GABBR2: variants seen among roughly 807,000 people sequenced by gnomAD.
The protein encoded by GABBR2 is gamma-aminobutyric acid type B receptor subunit 2.
A neutral mutation model predicts 105.6 loss-of-function variants in GABBR2; 23 were observed. The ratio of observed to expected loss-of-function variants is 0.22; its 90% CI spans 0.16 to 0.31. The LOEUF (loss-of-function observed/expected upper bound fraction) is 0.31, where lower values mean the gene tolerates loss of function less well. Ranked by LOEUF, GABBR2 falls within the 10% of genes least tolerant of loss-of-function variation. The probability of loss-of-function intolerance (pLI) is 1.00; values close to 1 mark genes in which losing one functional copy is unlikely to be tolerated. For synonymous variants in GABBR2, 478 were observed against 499.7 expected, an observed-to-expected ratio of 0.96 and a Z score of 0.58; for missense variants, 734 against 1,245.5, an observed-to-expected ratio of 0.59 and a Z score of 6.18.
In GABBR2 at chr9:98,687,395, CA is replaced by C. The variant is rs560334192; in HGVS notation, c.321+21021del. Among the ~76,000 whole-genome samples the C allele has an allele frequency of 1.4e-4, 22 of 152,142 alleles. No homozygotes were observed. In the East Asian group the frequency reaches 3.9e-3, roughly 27 times the overall value. On this transcript the variant is annotated intron_variant, in intron 1 of 18. Transcript: ENST00000259455. ...AAGGACGAGGAATTTGATCAGATATCAGGGGTGATCAGATATTCAGGGTGGG... is the reference window on the plus strand; with the variant it reads ...AAGGACGAGGAATTTGATCAGATATCGGGGTGATCAGATATTCAGGGTGGG...
chr9:98,692,179 T>G (rs1468500803), intron 1 of GABBR2, among the ~76,000 whole-genome samples: 2 of 152,122 alleles, frequency 1.3e-5, no homozygotes, highest in Admixed American at 1.3e-4. Context: ...GTGGCCTACA[T>G]TGTCCTGTGA....
At chr9:98,346,097 C>T (rs1328437782) in intron 13 of GABBR2, among the ~76,000 whole-genome samples, 3 of 152,194 alleles carry the variant, frequency 2.0e-5, no homozygotes, top group Admixed American at 2.0e-4. Flanking sequence ...GACTGACCCA[C>T]GTGTGGTTTC....
At chr9:98,647,597 G>T (rs1336048825) in intron 1 of GABBR2, among the ~76,000 whole-genome samples, 1 of 152,144 alleles carries the variant, frequency 6.6e-6, no homozygotes, top group South Asian at 2.1e-4. Context: ...CCTGGCACCC[G>T]ACGGGTTGTG....
intron 12 of GABBR2, 104 bp from the exon 13 acceptor site, chr9:98,362,941 A>G (rs1018915847): frequency 1.2e-4 from 121 of 989,912 alleles, no homozygotes; most frequent in Non-Finnish European, 1.7e-4. Context: ...TGAACCCCCC[A>G]GCCGGAGAGT....
Position 98,288,143 on chromosome 9 carries a change from A to G in GABBR2, c.*2441T>C, listed in dbSNP as rs1189089339. On this transcript the variant is annotated 3_prime_UTR_variant, in exon 19 of 19. Transcript: ENST00000259455. ...ACAAATTTGCAACAATTTATTAAAAATCGATACCATGCAGTAGGGGTACGA... is the reference window on the plus strand; with the variant it reads ...ACAAATTTGCAACAATTTATTAAAAGTCGATACCATGCAGTAGGGGTACGA... 6.6e-6 allele frequency: 1 copy of G among 152,562 alleles called. No homozygotes were observed. The highest frequency in any genetic ancestry group is 2.4e-5 in the African/African-American group (1 of 41,450). 9.5% of individuals were successfully genotyped at this position (152,562 alleles called of 1,614,324 possible).
At chr9:98,318,956 T>C (rs1404160211) in intron 13 of GABBR2, among the ~76,000 whole-genome samples, 1 of 150,814 alleles carries the variant, frequency 6.6e-6, no homozygotes, top group East Asian at 2.0e-4. Context: ...TATTAGGGGG[T>C]GTGTTTGGCC....
intron 6 of GABBR2, among the ~76,000 whole-genome samples, chr9:98,467,750 G>A (rs1016744645): frequency 5.3e-5 from 8 of 152,228 alleles, no homozygotes; most frequent in Non-Finnish European, 8.8e-5. Context: ...GGATGGACCT[G>A]TGCCTTTGAT....
chr9:98,675,033 G>T (rs1049399674), intron 1 of GABBR2, among the ~76,000 whole-genome samples: 5 of 152,196 alleles, frequency 3.3e-5, no homozygotes, highest in Admixed American at 6.5e-5. Context: ...GGAAACTGAG[G>T]TTCACAGGAA....
chr9:98,439,898 T>C (rs1826000262), intron 7 of GABBR2, among the ~76,000 whole-genome samples: 1 of 141,034 alleles, frequency 7.1e-6, no homozygotes, highest in Non-Finnish European at 1.6e-5. Context: ...CTCACAGCCC[T>C]TTAAGGTAGG....
At chr9:98,517,693 G>GCCTGC (rs938048162) in intron 3 of GABBR2, among the ~76,000 whole-genome samples, 7 of 152,184 alleles carry the variant, frequency 4.6e-5, no homozygotes, top group African/African-American at 1.4e-4. Context: ...ACATGCGCCA[G>GCCTGC]CCTGCCCTGC....
chr9:98,486,776 C>T (rs1827062215), intron 4 of GABBR2, among the ~76,000 whole-genome samples: 1 of 152,208 alleles, frequency 6.6e-6, no homozygotes, highest in South Asian at 2.1e-4. Flanking sequence ...CCAGGCCAGT[C>T]CTGTGCCCCA....
intron 1 of GABBR2, among the ~76,000 whole-genome samples, chr9:98,684,660 A>G (rs982985826): frequency 1.3e-5 from 2 of 152,242 alleles, no homozygotes; most frequent in Admixed American, 6.5e-5. Flanking sequence ...TGATTCCAAG[A>G]TAATGTATCT....
chr9:98,620,199 T>C (rs1829648914), intron 1 of GABBR2, among the ~76,000 whole-genome samples: 1 of 151,996 alleles, frequency 6.6e-6, no homozygotes, highest in Admixed American at 6.6e-5. Flanking sequence ...GTACAATTAA[T>C]ACTCATATAC....
At chr9:98,333,037 G>A (rs1831054629) in intron 13 of GABBR2, among the ~76,000 whole-genome samples, 1 of 152,164 alleles carries the variant, frequency 6.6e-6, no homozygotes, top group African/African-American at 2.4e-5. Context: ...GCTGGGCTGG[G>A]CTCAGGGGTC....
intron 7 of GABBR2, among the ~76,000 whole-genome samples, chr9:98,409,899 G>A (rs1172428743): frequency 6.6e-6 from 1 of 152,100 alleles, no homozygotes; most frequent in Admixed American, 6.5e-5. Flanking sequence ...GCAAATCTTT[G>A]TCTCAGAGCC....
intron 3 of GABBR2, among the ~76,000 whole-genome samples, chr9:98,517,473 T>C (rs1827779956): frequency 6.6e-6 from 1 of 152,194 alleles, no homozygotes. Flanking sequence ...AGTTATCAGA[T>C]GACAATATTG....
At chr9:98,604,514 TG>T (rs1322272566) in intron 1 of GABBR2, among the ~76,000 whole-genome samples, 13 of 152,188 alleles carry the variant, frequency 8.5e-5, no homozygotes, top group African/African-American at 3.1e-4. Context: ...ACCCACAACA[TG>T]TAGAAGGCTG....
At chr9:98,626,059 A>C (rs1272698571) in intron 1 of GABBR2, among the ~76,000 whole-genome samples, 1 of 152,230 alleles carries the variant, frequency 6.6e-6, no homozygotes, top group African/African-American at 2.4e-5. Context: ...CCGGGAGAAG[A>C]AGCACTGCAG....
At chr9:98,476,086 A>C (rs1399211642) in intron 5 of GABBR2, among the ~76,000 whole-genome samples, 1 of 152,176 alleles carries the variant, frequency 6.6e-6, no homozygotes, top group Non-Finnish European at 1.5e-5. Flanking sequence ...AACAAACAAA[A>C]AAACTCAGAG....
Sources: gnomAD v4.1 joint callset for allele counts (sites outside exome capture counted in the v4.1 genomes callset) on GRCh38, gnomAD v4.1.1 for gene constraint, MANE v1.5 for transcripts, NCBI Gene and HGNC (gene_info 2026-07-23, HGNC 2026-07-21) for gene names.